The following STAT3 variants were observed in gnomAD, a reference collection of about 807,000 sequenced individuals.
STAT3 encodes the protein signal transducer and activator of transcription 3, also known as DNA-binding protein APRF.
In STAT3, 7 loss-of-function variants were observed where a neutral mutation model predicts 114.3. That is an observed-to-expected ratio of 0.06 (90% CI 0.03 to 0.11). The LOEUF (loss-of-function observed/expected upper bound fraction) is 0.11, where lower values mean the gene tolerates loss of function less well. STAT3 is among the 10% of genes least tolerant of loss of function. The probability of loss-of-function intolerance (pLI) is 1.00; values close to 1 mark genes in which losing one functional copy is unlikely to be tolerated. For synonymous variants in STAT3, 331 were observed against 354.5 expected (o/e 0.93, Z 0.74); for missense variants, 364 against 960.9 (o/e 0.38, Z 8.21).
chr17:42,320,880 C>T lies in STAT3; in HGVS notation c.2101+1402G>A, dbSNP rs116782016. ...AAGTGCTGAAGGGGAACAGACAGGGCTACCCCCTCCACACTGAGGACAGCT... is the reference window on the plus strand; with the variant it reads ...AAGTGCTGAAGGGGAACAGACAGGGTTACCCCCTCCACACTGAGGACAGCT... On this transcript the variant is annotated intron_variant, in intron 21 of 23. Coordinates refer to ENST00000264657, the MANE Select transcript of STAT3 (RefSeq NM_139276.3). Among the ~76,000 whole-genome samples, 1,051 of 152,090 alleles carry T rather than the reference C, an allele frequency of 6.9e-3. 19 individuals carry two copies. Among genetic ancestry groups the T allele is most frequent in the African/African-American group, 0.024 (992 of 41,464 alleles).
At chr17:42,335,523 C>G (rs2082194162) in intron 8 of STAT3, among the ~76,000 whole-genome samples, 1 of 152,164 alleles carries the variant, frequency 6.6e-6, no homozygotes. Flanking sequence ...CAGCCTTCAA[C>G]TGATCAAAGG....
chr17:42,319,385 T>C (rs890631529), intron 21 of STAT3, among the ~76,000 whole-genome samples: 10 of 145,626 alleles, frequency 6.9e-5, no homozygotes, highest in Non-Finnish European at 1.5e-5. Flanking sequence ...CTACTAAAAA[T>C]CCAAAAATTA....
At chr17:42,352,191 T>G (rs1567734986) in intron 1 of STAT3, among the ~76,000 whole-genome samples, 1 of 151,918 alleles carries the variant, frequency 6.6e-6, no homozygotes, top group South Asian at 2.1e-4. Flanking sequence ...ATACAAAAAT[T>G]AGCCGAGCAT....
At chr17:42,384,992 A>G (rs2085017162) in intron 1 of STAT3, among the ~76,000 whole-genome samples, 1 of 152,182 alleles carries the variant, frequency 6.6e-6, no homozygotes, top group Non-Finnish European at 1.5e-5. Context: ...GCACTGTCCA[A>G]TAGAACGTTC....
At chr17:42,367,567 T>G (rs1040200921) in intron 1 of STAT3, among the ~76,000 whole-genome samples, 3 of 152,126 alleles carry the variant, frequency 2.0e-5, no homozygotes, top group African/African-American at 7.2e-5. Flanking sequence ...CCTGATAGGC[T>G]CTTTCCCTAG....
rs896545123 is a variant in STAT3 at position 42,315,645 on chromosome 17, T to C, written c.*100A>G. 10 of 1,250,700 alleles carry C rather than the reference T, an allele frequency of 8.0e-6. No homozygotes were observed. In the African/African-American group the frequency reaches 1.3e-4, roughly 17 times the overall value. The allele number at this position is 1,250,700 out of a possible 1,614,324, so 77.5% of individuals were successfully genotyped here. ...TTAAAAAAAATCTGGAACCACAAAG[T>C]TAGTAGTTTCAGATGATCTGGGGTT... On this transcript the variant is annotated 3_prime_UTR_variant, in exon 24 of 24. Transcript: ENST00000264657.
chr17:42,318,029 C>T (rs182333961), intron 21 of STAT3, among the ~76,000 whole-genome samples: 1 of 152,098 alleles, frequency 6.6e-6, no homozygotes, highest in African/African-American at 2.4e-5. Context: ...TCTCGGTTAC[C>T]GCAACCTCCT....
chr17:42,338,686 C>A, intron 6 of STAT3, 45 bp downstream of exon 6: 1 of 1,565,552 alleles, frequency 6.4e-7, no homozygotes, highest in Admixed American at 1.7e-5. Context: ...CTCAACAACA[C>A]AAACTCACTT....
chr17:42,348,629 C>T, intron 1 of STAT3, 90 bp from the exon 2 acceptor site: 1 of 1,467,182 alleles, frequency 6.8e-7, no homozygotes, highest in Non-Finnish European at 9.4e-7. Context: ...GGTGTCAGGT[C>T]TGTGACTAGG....
intron 1 of STAT3, among the ~76,000 whole-genome samples, chr17:42,381,296 G>A (rs2084778221): frequency 6.6e-6 from 1 of 152,198 alleles, no homozygotes; most frequent in Non-Finnish European, 1.5e-5. Context: ...CAAAGGTCAG[G>A]TAAAATTTCA....
intron 1 of STAT3, chr17:42,387,531 A>T (rs1279480096): frequency 6.6e-6 from 1 of 152,220 alleles, no homozygotes; most frequent in African/African-American, 2.4e-5. Context: ...TTGGAAAAGG[A>T]CAATGTCAAG....
intron 8 of STAT3, among the ~76,000 whole-genome samples, chr17:42,334,709 T>C (rs1454418197): frequency 1.3e-5 from 2 of 152,178 alleles, no homozygotes; most frequent in African/African-American, 4.8e-5. Context: ...CCTCCCGAAG[T>C]ACTGGCATTA....
In STAT3 at chr17:42,314,232, A is replaced by G. The variant is rs1307014962; in HGVS notation, c.*1513T>C. 5 of 232,874 alleles carry G rather than the reference A, an allele frequency of 2.1e-5. No homozygotes were observed. The highest frequency in any genetic ancestry group is 1.1e-4 in the African/African-American group (5 of 45,288). The allele number at this position is 232,874 out of a possible 1,614,324, so 14.4% of individuals were successfully genotyped here. A position where few individuals can be genotyped will look rare whatever the true frequency, so the allele number is the denominator to read the frequency against. On this transcript the variant is annotated 3_prime_UTR_variant, in exon 24 of 24. Transcript: ENST00000264657. ...GTTTATCAGTAAGCCTTTGCCCTGCATGAACTGAATGAAGACGCCATTACA... is the reference window on the plus strand; with the variant it reads ...GTTTATCAGTAAGCCTTTGCCCTGCGTGAACTGAATGAAGACGCCATTACA...
chr17:42,365,107 G>T (rs2083706812), intron 1 of STAT3, among the ~76,000 whole-genome samples: 1 of 152,168 alleles, frequency 6.6e-6, no homozygotes, highest in Admixed American at 6.5e-5. Flanking sequence ...GGGGGTCTTT[G>T]TTCCCTTCCT....
chr17:42,316,164 A>G, intron 23 of STAT3: 2 of 947,392 alleles, frequency 2.1e-6, no homozygotes, highest in Non-Finnish European at 2.8e-6. Flanking sequence ...TGTGGCTGTC[A>G]AAAGCCCACT....
At chr17:42,378,632 T>C (rs1007121566) in intron 1 of STAT3, among the ~76,000 whole-genome samples, 10 of 152,236 alleles carry the variant, frequency 6.6e-5, no homozygotes, top group Non-Finnish European at 2.9e-5. Context: ...AATGCAAAAC[T>C]GATTTGTCGA....
At chr17:42,384,318 G>A (rs376982764) in intron 1 of STAT3, among the ~76,000 whole-genome samples, 10 of 151,878 alleles carry the variant, frequency 6.6e-5, no homozygotes, top group African/African-American at 2.4e-4. Flanking sequence ...TTTTAGTAGA[G>A]ATGGGGTTTC....
rs2082283907 is a variant in STAT3 at position 42,337,706 on chromosome 17, T to C, written c.645+57A>G. The C allele has an allele frequency of 6.2e-7, 1 of 1,613,496 alleles. No homozygotes were observed. The highest frequency in any genetic ancestry group is 2.2e-5 in the East Asian group (1 of 44,888). On this transcript the variant is annotated intron_variant, in intron 7 of 23. Coordinates refer to ENST00000264657, the MANE Select transcript of STAT3 (RefSeq NM_139276.3). The surrounding 1 kb of genome is among the most constrained non-coding windows in gnomAD (Gnocchi z 4.0). The stretch of plus-strand genomic sequence containing the variant: ...CCAAGCAAGTTCTGCCACAAGACGC[T>C]GAAATCCCGCAAGTGAGCGAGACAC...
rs2081186532 is a variant in STAT3 at position 42,314,648 on chromosome 17, C to T, written c.*1097G>A. On this transcript the variant is annotated 3_prime_UTR_variant, in exon 24 of 24. Transcript: ENST00000264657. ...TACTCACTAAAAGGCCAATACATTA[C>T]AAAGGAAAATAAGTCTATTTATAAA... 2 of 228,648 alleles carry T rather than the reference C, an allele frequency of 8.7e-6. No individual in the cohort carries two copies. Among genetic ancestry groups the T allele is most frequent in the South Asian group, 3.6e-4 (2 of 5,494 alleles). 14.2% of individuals were successfully genotyped at this position (228,648 alleles called of 1,614,324 possible).
Sources: allele counts gnomAD v4.1 joint callset (sites outside exome capture counted in the v4.1 genomes callset), GRCh38; gene constraint gnomAD v4.1.1; non-coding constraint Gnocchi (gnomAD v3.1); transcripts MANE v1.5; gene names NCBI Gene and HGNC (gene_info 2026-07-23, HGNC 2026-07-21).